CLIC5: variants seen among roughly 807,000 people sequenced by gnomAD.
CLIC5 encodes the protein chloride intracellular channel protein 5.
A neutral mutation model predicts 24.7 loss-of-function variants in CLIC5; 20 were observed. The ratio of observed to expected loss-of-function variants is 0.81; its 90% confidence interval spans 0.57 to 1.18. The LOEUF (loss-of-function observed/expected upper bound fraction) is 1.18. Among genes scored for constraint, CLIC5 ranks in the 50% most tolerant of loss-of-function variants. The probability of loss-of-function intolerance (pLI) is 0.00; values close to 1 mark genes in which losing one functional copy is unlikely to be tolerated. For missense variants in CLIC5, 341 were observed against 326.1 expected (o/e 1.05, Z -0.35); for synonymous variants, 159 against 135.6 (o/e 1.17, Z -1.20).
At chr6:45,926,272 G>A (rs1763487675) in intron 4 of CLIC5, among the ~76,000 whole-genome samples, 1 of 149,166 alleles carries the variant, frequency 6.7e-6, no homozygotes, top group African/African-American at 2.5e-5. Flanking sequence ...TTTTGAAATG[G>A]AGTCTCGCTC....
At chr6:46,109,074 A>G in the CLIC5 span, among the ~76,000 whole-genome samples, 3 of 152,162 alleles carry the variant, frequency 2.0e-5, no homozygotes, top group Non-Finnish European at 4.4e-5. Context: ...TGTCATCAGT[A>G]ATAATTATGA....
At chr6:46,029,980 G>T (rs1767452657) in intron 1 of CLIC5, among the ~76,000 whole-genome samples, 1 of 152,092 alleles carries the variant, frequency 6.6e-6, no homozygotes, top group African/African-American at 2.4e-5. Context: ...TGGGAGTTAT[G>T]CCTGGCTATA....
chr6:45,932,249 T>C (rs1763766213), intron 4 of CLIC5, among the ~76,000 whole-genome samples: 2 of 152,064 alleles, frequency 1.3e-5, no homozygotes, highest in South Asian at 4.1e-4. Flanking sequence ...AGATGGGATA[T>C]AGGCACATGC....
intron 6 of CLIC5, among the ~76,000 whole-genome samples, chr6:45,888,035 A>T (rs540664904): frequency 1.3e-5 from 2 of 152,236 alleles, no homozygotes; most frequent in African/African-American, 4.8e-5. Context: ...ATAGTGTATG[A>T]CCCTAAAATT....
intron 1 of CLIC5, among the ~76,000 whole-genome samples, chr6:46,000,741 T>A (rs1766324949): frequency 6.6e-6 from 1 of 152,058 alleles, no homozygotes; most frequent in Admixed American, 6.5e-5. Context: ...GTAGACTCAC[T>A]CACTATCACG....
chr6:46,079,943 C>T, exon 1 of CLIC5: 11 of 1,551,714 alleles, frequency 7.1e-6, no homozygotes, highest in Non-Finnish European at 8.7e-6. Context: ...CCCTGTCCTC[C>T]TGGGGCTCAC....
intron 1 of CLIC5, among the ~76,000 whole-genome samples, chr6:45,986,115 T>C (rs1266834034): frequency 6.6e-6 from 1 of 152,212 alleles, no homozygotes; most frequent in African/African-American, 2.4e-5. Context: ...CATGTGGAAC[T>C]GTGAGTCAAT....
chr6:45,957,767 T>C (rs780997165), intron 1 of CLIC5, among the ~76,000 whole-genome samples: 1 of 152,252 alleles, frequency 6.6e-6, no homozygotes, highest in South Asian at 2.1e-4. Context: ...CAGCTTCTTC[T>C]ATTCCCCTTC....
At chr6:46,078,432 C>T (rs899579294) in intron 1 of CLIC5, among the ~76,000 whole-genome samples, 10 of 152,100 alleles carry the variant, frequency 6.6e-5, no homozygotes, top group African/African-American at 2.4e-4. Context: ...CAGAAAACTG[C>T]GTGAATGCAC....
chr6:46,104,655 T>G, the CLIC5 span, among the ~76,000 whole-genome samples: 8 of 146,556 alleles, frequency 5.5e-5, no homozygotes, highest in African/African-American at 2.0e-4. Context: ...AGGCAAAGAC[T>G]CCTATGTTTA....
intron 1 of CLIC5, among the ~76,000 whole-genome samples, chr6:45,988,838 A>G (rs1297827877): frequency 2.0e-5 from 3 of 152,130 alleles, no homozygotes; most frequent in Non-Finnish European, 1.5e-5. Flanking sequence ...GTCAAGACAA[A>G]TGGGGTTTCT....
chr6:45,950,135 T>C (rs1764419600), intron 2 of CLIC5, among the ~76,000 whole-genome samples: 1 of 152,246 alleles, frequency 6.6e-6, no homozygotes, highest in Non-Finnish European at 1.5e-5. Context: ...AAGAACCTCC[T>C]ACTGGTGAGT....
intron 1 of CLIC5, among the ~76,000 whole-genome samples, chr6:46,040,235 A>G (rs1294600944): frequency 6.6e-6 from 1 of 152,098 alleles, no homozygotes; most frequent in East Asian, 1.9e-4. Context: ...AATGATGGTG[A>G]CGGTAGCATG....
intron 4 of CLIC5, among the ~76,000 whole-genome samples, chr6:45,936,589 A>G (rs1763945500): frequency 1.3e-5 from 2 of 152,126 alleles, no homozygotes; most frequent in South Asian, 4.2e-4. Context: ...CATTTCACAG[A>G]TGAGGAAACT....
At chr6:45,949,851 C>T (rs893380415) in intron 2 of CLIC5, among the ~76,000 whole-genome samples, 2 of 152,102 alleles carry the variant, frequency 1.3e-5, no homozygotes, top group African/African-American at 4.8e-5. Context: ...GAGTTTGGGC[C>T]ATTTGTTCAA....
downstream of CLIC5, among the ~76,000 whole-genome samples, chr6:45,893,979 C>T (rs775859862): frequency 6.6e-6 from 1 of 152,178 alleles, no homozygotes; most frequent in Non-Finnish European, 1.5e-5. Flanking sequence ...CCAGTTCATA[C>T]TCAACTCATC....
chr6:45,941,435 T>C, intron 4 of CLIC5, 112 bp downstream of exon 4: 1 of 833,186 alleles, frequency 1.2e-6, no homozygotes, highest in Non-Finnish European at 2.1e-6. Context: ...GCAGTATTGG[T>C]TCCAGATGCT....
intron 1 of CLIC5, among the ~76,000 whole-genome samples, chr6:46,012,385 T>C (rs1404001192): frequency 1.3e-5 from 2 of 152,218 alleles, no homozygotes; most frequent in African/African-American, 4.8e-5. Flanking sequence ...AGAGTTGACA[T>C]GATCTAACAT....
the CLIC5 span, among the ~76,000 whole-genome samples, chr6:46,095,825 T>C: frequency 6.6e-6 from 1 of 152,144 alleles, no homozygotes; most frequent in African/African-American, 2.4e-5. Context: ...TCAGATATCT[T>C]TATCCCAACC....
Sources: allele counts gnomAD v4.1 joint callset (sites outside exome capture counted in the v4.1 genomes callset), GRCh38; gene constraint gnomAD v4.1.1; transcripts MANE v1.5; gene names NCBI Gene and HGNC (gene_info 2026-07-23, HGNC 2026-07-21).